The following NEO1 variants were observed in gnomAD, a reference collection of about 807,000 sequenced individuals.
NEO1 encodes neogenin.
In NEO1, 63 loss-of-function variants were observed where a neutral mutation model predicts 159.7. The observed-to-expected ratio is 0.39, with a 90% CI of 0.32 to 0.49. The LOEUF is 0.49. Among genes scored for constraint, NEO1 ranks in the 20% least tolerant of loss-of-function variants. NEO1 has a pLI of 0.85. For missense variants in NEO1, 1,615 were observed against 1,831.0 expected (o/e 0.88, Z 2.15); for synonymous variants, 633 against 662.0 (o/e 0.96, Z 0.67).
intron 15 of NEO1, among the ~76,000 whole-genome samples, chr15:73,262,906 T>A (rs2040691089): frequency 6.6e-6 from 1 of 152,116 alleles, no homozygotes; most frequent in Admixed American, 6.5e-5. Context: ...CAACAGAAAT[T>A]AATCTCATAA....
At chr15:73,191,227 T>A (rs1326750046) in intron 7 of NEO1, among the ~76,000 whole-genome samples, 1 of 152,106 alleles carries the variant, frequency 6.6e-6, no homozygotes, top group East Asian at 1.9e-4. Flanking sequence ...TTTTGTTACC[T>A]ATAACTCTAA....
chr15:73,214,772 G>C (rs2037781843), intron 7 of NEO1, among the ~76,000 whole-genome samples: 1 of 151,988 alleles, frequency 6.6e-6, no homozygotes, highest in South Asian at 2.1e-4. Context: ...TTGTTTGTTT[G>C]TTTCATATGA....
chr15:73,173,456 C>T (rs918854766), intron 5 of NEO1, among the ~76,000 whole-genome samples: 2 of 152,150 alleles, frequency 1.3e-5, no homozygotes, highest in African/African-American at 4.8e-5. Context: ...TCTTTCAAAT[C>T]TGTCATTCTT....
At chr15:73,203,213 A>T (rs1213127626) in intron 7 of NEO1, among the ~76,000 whole-genome samples, 1 of 152,174 alleles carries the variant, frequency 6.6e-6, no homozygotes, top group African/African-American at 2.4e-5. Flanking sequence ...ACCATTTTAC[A>T]TGCCCACCAC....
intron 1 of NEO1, among the ~76,000 whole-genome samples, chr15:73,069,439 CAG>C (rs1308642845): frequency 2.0e-5 from 3 of 151,348 alleles, no homozygotes; most frequent in African/African-American, 7.3e-5. Context: ...GAGAGAGAAA[CAG>C]TGTTTGATCA....
chr15:73,059,862 G>T (rs1188663926), intron 1 of NEO1, among the ~76,000 whole-genome samples: 2 of 152,008 alleles, frequency 1.3e-5, no homozygotes, highest in African/African-American at 4.8e-5. Context: ...GCTGTCTGGG[G>T]GTACAGCTAC....
In NEO1 at chr15:73,122,148, T is replaced by C. The variant is rs893312994; in HGVS notation, c.449-377T>C. ...AGCAATGAATAAAGACTAGACAAAA[T>C]GTGTACATGTTTCACACATACTTTT... On this transcript the variant is annotated intron_variant, in intron 2 of 28. Transcript: ENST00000261908. Among the ~76,000 whole-genome samples, 6 of 146,534 alleles carry C rather than the reference T, an allele frequency of 4.1e-5. 1 individual carries two copies. The highest frequency in any genetic ancestry group is 2.1e-4 in the South Asian group (1 of 4,738).
At position 73,302,594 on chromosome 15, in the gene NEO1, A is replaced by G; in HGVS notation, c.4303-19A>G. 1 of 1,610,842 alleles carries G rather than the reference A, an allele frequency of 6.2e-7. No homozygotes were observed. Among genetic ancestry groups the G allele is most frequent in the Non-Finnish European group, 8.5e-7 (1 of 1,177,812 alleles). On this transcript the variant is annotated intron_variant, in intron 28 of 28. Coordinates refer to ENST00000261908, the MANE Select transcript of NEO1 (RefSeq NM_002499.4). ...TGCTCCCTGGATCCAGCCCAGTAAC[A>G]GTGTTTTCTTTTCCATAGAGCTATG... is the stretch of plus-strand genomic sequence containing the variant.
At chr15:73,172,509 T>G (rs2035036934) in intron 5 of NEO1, among the ~76,000 whole-genome samples, 1 of 152,210 alleles carries the variant, frequency 6.6e-6, no homozygotes, top group African/African-American at 2.4e-5. Flanking sequence ...GTTGAATTCC[T>G]TATTTAGTAA....
At chr15:73,272,714 T>TG in intron 19 of NEO1, 152 bp downstream of exon 19, 1 of 637,542 alleles carries the variant, frequency 1.6e-6, no homozygotes, top group Admixed American at 2.5e-5. Context: ...TCCTTGAAAT[T>TG]GGGGTGAGGC....
At chr15:73,278,726 C>T (rs1304594190) in intron 22 of NEO1, among the ~76,000 whole-genome samples, 5 of 152,200 alleles carry the variant, frequency 3.3e-5, no homozygotes. Context: ...ACAATTGATT[C>T]TTACAACATG....
chr15:73,235,043 A>G (rs1383714366), intron 7 of NEO1, among the ~76,000 whole-genome samples: 1 of 152,178 alleles, frequency 6.6e-6, no homozygotes, highest in Non-Finnish European at 1.5e-5. Flanking sequence ...AGTGGTAGCT[A>G]TTGGATTACT....
At chr15:73,093,781 G>A (rs1048284262) in intron 1 of NEO1, among the ~76,000 whole-genome samples, 8 of 152,018 alleles carry the variant, frequency 5.3e-5, no homozygotes, top group African/African-American at 1.9e-4. Context: ...GTTTCGCCAT[G>A]CTTCCCTGGC....
intron 4 of NEO1, among the ~76,000 whole-genome samples, chr15:73,129,262 C>T (rs947339084): frequency 6.6e-6 from 1 of 152,090 alleles, no homozygotes; most frequent in Non-Finnish European, 1.5e-5. Flanking sequence ...CCCAAAATAT[C>T]TTTGTTTCTG....
intron 5 of NEO1, among the ~76,000 whole-genome samples, chr15:73,166,114 A>G (rs62016853): frequency 0.31 from 46,652 of 151,886 alleles, 8,782 homozygotes; most frequent in Admixed American, 0.44. Flanking sequence ...CTAACTGCCT[A>G]CCTTACCGGT....
intron 11 of NEO1, among the ~76,000 whole-genome samples, chr15:73,251,466 A>T (rs2040061827): frequency 6.7e-6 from 1 of 148,544 alleles, no homozygotes; most frequent in Admixed American, 6.8e-5. Flanking sequence ...GTGAGCTGTG[A>T]TTACACCACT....
At chr15:73,098,465 A>ATG (rs140552682) in intron 1 of NEO1, among the ~76,000 whole-genome samples, 7 of 152,208 alleles carry the variant, frequency 4.6e-5, no homozygotes, top group Non-Finnish European at 7.4e-5. Flanking sequence ...AGTTATATAT[A>ATG]TGTGTGTGTG....
intron 1 of NEO1, 101 bp from the exon 2 acceptor site, chr15:73,116,439 G>T: frequency 1.0e-6 from 1 of 973,932 alleles, no homozygotes; most frequent in Non-Finnish European, 1.4e-6. Flanking sequence ...CACATTCAAA[G>T]AACAACAGTT....
chr15:73,279,232 C>T (rs1304399359), intron 22 of NEO1, among the ~76,000 whole-genome samples: 1 of 151,874 alleles, frequency 6.6e-6, no homozygotes, highest in Non-Finnish European at 1.5e-5. Context: ...GTGTATGTGA[C>T]ATTTATATTG....
Sources: allele counts gnomAD v4.1 joint callset (sites outside exome capture counted in the v4.1 genomes callset), GRCh38; gene constraint gnomAD v4.1.1; transcripts MANE v1.5; gene names NCBI Gene and HGNC (gene_info 2026-07-23, HGNC 2026-07-21).